Variants in PDE1C observed in about 807,000 individuals in gnomAD.
PDE1C encodes dual specificity calcium/calmodulin-dependent 3',5'-cyclic nucleotide phosphodiesterase 1C.
PDE1C carries 62 observed loss-of-function variants against 93.1 expected under a neutral mutation model. The ratio of observed to expected loss-of-function variants is 0.67; its 90% CI spans 0.54 to 0.82. The LOEUF (loss-of-function observed/expected upper bound fraction) is 0.82, where lower values mean the gene tolerates loss of function less well. Among genes scored for constraint, PDE1C ranks in the 40% least tolerant of loss-of-function variants. The pLI is 0.00. For missense variants in PDE1C, 742 were observed against 884.6 expected (o/e 0.84, Z 2.04); for synonymous variants, 325 against 310.1 (o/e 1.05, Z -0.50).
At chr7:32,225,781 C>T (rs1458781800) in intron 1 of PDE1C, among the ~76,000 whole-genome samples, 4 of 152,250 alleles carry the variant, frequency 2.6e-5, no homozygotes, top group African/African-American at 7.2e-5. Flanking sequence ...GCTTCTAGGC[C>T]GGGCACGGTG....
exon 1 of PDE1C, chr7:32,299,074 C>A: frequency 9.1e-7 from 1 of 1,098,708 alleles, no homozygotes; most frequent in East Asian, 6.2e-5. Context: ...GAGATCCCTG[C>A]CTGGCCACGC....
intron 16 of PDE1C, among the ~76,000 whole-genome samples, chr7:31,808,616 C>A (rs1787149446): frequency 6.6e-6 from 1 of 151,422 alleles, no homozygotes; most frequent in Non-Finnish European, 1.5e-5. Context: ...AGAACTAGTT[C>A]AAGGAAAAAA....
chr7:31,834,113 C>A (rs911961579), intron 11 of PDE1C, among the ~76,000 whole-genome samples: 5 of 152,192 alleles, frequency 3.3e-5, no homozygotes, highest in Non-Finnish European at 5.9e-5. Flanking sequence ...TGGTGTTGAG[C>A]CTGCAGGTGC....
intron 3 of PDE1C, among the ~76,000 whole-genome samples, chr7:32,093,148 A>T (rs1160737881): frequency 6.6e-6 from 1 of 152,244 alleles, no homozygotes; most frequent in East Asian, 1.9e-4. Context: ...TCAAGAATAC[A>T]TAGAAGGGTA....
chr7:31,629,269 G>A, the PDE1C span, among the ~76,000 whole-genome samples: 1 of 111,628 alleles, frequency 9.0e-6, no homozygotes. Context: ...GAAGATATGT[G>A]TGTTTAAACA....
At chr7:31,684,460 C>T in the PDE1C span, among the ~76,000 whole-genome samples, 2 of 152,150 alleles carry the variant, frequency 1.3e-5, no homozygotes, top group Admixed American at 1.3e-4. Flanking sequence ...TGAAAGACTC[C>T]ATGAAAAGAT....
At chr7:31,900,471 CA>C (rs1799832593) in intron 2 of PDE1C, among the ~76,000 whole-genome samples, 1 of 149,264 alleles carries the variant, frequency 6.7e-6, no homozygotes, top group South Asian at 2.1e-4. Context: ...AAAGTACTAC[CA>C]AAATATTAGG....
chr7:31,638,771 T>C, the PDE1C span, among the ~76,000 whole-genome samples: 1 of 152,162 alleles, frequency 6.6e-6, no homozygotes. Context: ...TTCTTTCTTT[T>C]GTTTTTCGTT....
intron 3 of PDE1C, among the ~76,000 whole-genome samples, chr7:32,147,701 A>AC (rs1031878099): frequency 8.1e-5 from 12 of 148,620 alleles, no homozygotes; most frequent in South Asian, 2.2e-4. Context: ...TCTTCCTCCC[A>AC]CCCCCCCTCC....
chr7:31,795,631 A>G (rs1279821256), intron 16 of PDE1C, among the ~76,000 whole-genome samples: 2 of 151,938 alleles, frequency 1.3e-5, no homozygotes, highest in East Asian at 3.9e-4. Flanking sequence ...AAGAGTTCAT[A>G]ATATACTTTT....
At chr7:31,704,383 G>A in the PDE1C span, among the ~76,000 whole-genome samples, 2 of 152,168 alleles carry the variant, frequency 1.3e-5, no homozygotes, top group African/African-American at 4.8e-5. Context: ...AAGCTGATTG[G>A]CCCTTGGAGA....
chr7:32,324,109 A>G (rs1157183614), intron 1 of PDE1C, among the ~76,000 whole-genome samples: 1 of 152,266 alleles, frequency 6.6e-6, no homozygotes, highest in Admixed American at 6.5e-5. Flanking sequence ...ATACATGTAC[A>G]TTATGTAAAA....
chr7:32,164,398 A>G (rs1802097155), intron 3 of PDE1C, among the ~76,000 whole-genome samples: 1 of 152,240 alleles, frequency 6.6e-6, no homozygotes, highest in Non-Finnish European at 1.5e-5. Context: ...TGCACACTCA[A>G]ATTAGTATAA....
intron 2 of PDE1C, among the ~76,000 whole-genome samples, chr7:32,041,652 T>C (rs1791830432): frequency 2.0e-5 from 3 of 152,230 alleles, no homozygotes; most frequent in Admixed American, 2.0e-4. Context: ...TATGTATTCA[T>C]GTATGACTGA....
the PDE1C span, chr7:31,652,023 T>C: frequency 5.0e-6 from 8 of 1,602,258 alleles, 1 homozygote; most frequent in South Asian, 9.1e-5. Context: ...GAGACCGGGC[T>C]CAGCAAATCA....
Position 31,816,209 on chromosome 7 carries a change from G to A in PDE1C, c.1583-55C>T, listed in dbSNP as rs1860791. 490 of 1,512,360 alleles carry A rather than the reference G, an allele frequency of 3.2e-4. 4 individuals are homozygous for A. The Admixed American group carries it at 5.1e-3, about 16-fold the overall frequency. The allele number at this position is 1,512,360 out of a possible 1,614,324, so 93.7% of individuals were successfully genotyped here. A position where few individuals can be genotyped will look rare whatever the true frequency, so the allele number is the denominator to read the frequency against. On this transcript the variant is annotated intron_variant, in intron 14 of 17. Coordinates refer to ENST00000396191, the MANE Select transcript of PDE1C (RefSeq NM_001191057.4). Reference sequence around the variant, plus strand: ...AGAAAAGAGAAAAAGAGGTCATGCCGTTAGGAGAATGGCCTGTTTTAGTAC... The same window carrying A: ...AGAAAAGAGAAAAAGAGGTCATGCCATTAGGAGAATGGCCTGTTTTAGTAC...
chr7:32,215,824 C>A (rs1215403466), intron 1 of PDE1C, among the ~76,000 whole-genome samples: 1 of 152,244 alleles, frequency 6.6e-6, no homozygotes, highest in Non-Finnish European at 1.5e-5. Context: ...ATAAACACAG[C>A]TGGAGTCCTG....
chr7:32,071,547 A>C, upstream of PDE1C: 3 of 404,858 alleles, frequency 7.4e-6, no homozygotes, highest in Non-Finnish European at 1.0e-5. Context: ...GAGAAAATAT[A>C]CCAATAGTGA....
chr7:32,414,092 A>T (rs1245174030), intron 1 of PDE1C, among the ~76,000 whole-genome samples: 1 of 151,960 alleles, frequency 6.6e-6, no homozygotes, highest in Non-Finnish European at 1.5e-5. Context: ...GTGTGCCTGC[A>T]GTCTGAACTA....
Sources: allele counts gnomAD v4.1 joint callset (sites outside exome capture counted in the v4.1 genomes callset), GRCh38; gene constraint gnomAD v4.1.1; transcripts MANE v1.5; gene names NCBI Gene and HGNC (gene_info 2026-07-23, HGNC 2026-07-21).